The following SCAI variants were observed in gnomAD, a reference collection of about 807,000 sequenced individuals.
The protein encoded by SCAI is suppressor of cancer cell invasion.
In SCAI, 24 loss-of-function variants were observed where a neutral mutation model predicts 92.2. The observed-to-expected ratio is 0.26, with a 90% CI of 0.19 to 0.37. The LOEUF is 0.37. Ranked by LOEUF, SCAI falls within the 10% of genes least tolerant of loss-of-function variation. SCAI has a pLI of 1.00. For missense variants in SCAI, 450 were observed against 736.2 expected (o/e 0.61, Z 4.50); for synonymous variants, 261 against 258.6 (o/e 1.01, Z -0.09).
chr9:125,019,154 G>C lies in SCAI; in HGVS notation c.661C>G (p.Gln221Glu). 6.2e-7 allele frequency: 1 copy of C among 1,603,688 alleles called. No individual in the cohort carries two copies. The highest frequency in any genetic ancestry group is 8.5e-7 in the Non-Finnish European group (1 of 1,176,100). ...DYTHRFNTED[Q>E]VEWNLVLQEV... Reference sequence around the variant, plus strand: ...TGAAGCACCAAGTTCCATTCCACTTGATCTTCAGTATTAAATCGGTGAGTA... The same window carrying C: ...TGAAGCACCAAGTTCCATTCCACTTCATCTTCAGTATTAAATCGGTGAGTA... The change falls in exon 8 of 18, where the codon CAA becomes GAA. Residue 221 changes from glutamine to glutamate, a missense_variant. This residue lies in a region of SCAI where 360 missense variants were observed against 601.8 expected (regional missense o/e 0.60). Coordinates refer to ENST00000336505, the MANE Select transcript of SCAI (RefSeq NM_001144877.3).
chr9:125,024,643 C>T (rs1832934116), intron 6 of SCAI, among the ~76,000 whole-genome samples: 1 of 152,098 alleles, frequency 6.6e-6, no homozygotes, highest in Non-Finnish European at 1.5e-5. Context: ...GCTAGGCTCC[C>T]TACTTACAAG....
chr9:125,069,290 C>CTT (rs753394931), intron 2 of SCAI, among the ~76,000 whole-genome samples: 1 of 151,488 alleles, frequency 6.6e-6, no homozygotes, highest in Non-Finnish European at 1.5e-5. Context: ...AAATCACATG[C>CTT]TAAGAAAGGG....
At chr9:125,012,887 A>G (rs1241690546) in intron 9 of SCAI, among the ~76,000 whole-genome samples, 3 of 151,810 alleles carry the variant, frequency 2.0e-5, no homozygotes, top group Admixed American at 1.3e-4. Flanking sequence ...ACTCAAAACC[A>G]CTCAACTACA....
intron 10 of SCAI, 97 bp downstream of exon 10, chr9:125,003,372 T>C (rs888045634): frequency 1.7e-5 from 18 of 1,028,798 alleles, no homozygotes; most frequent in Non-Finnish European, 2.7e-5. Context: ...GTGAATTCTT[T>C]ATTCAAGGCT....
chr9:124,957,585 T>G (rs187389254), intron 17 of SCAI, among the ~76,000 whole-genome samples: 1,686 of 148,974 alleles, frequency 0.011, 83 homozygotes, highest in Admixed American at 0.084. Context: ...TTGGCCAGGC[T>G]GGTCTCCAAC....
At chr9:125,067,367 G>A (rs1833894499) in intron 2 of SCAI, among the ~76,000 whole-genome samples, 1 of 152,134 alleles carries the variant, frequency 6.6e-6, no homozygotes, top group Admixed American at 6.5e-5. Flanking sequence ...AACACAATGT[G>A]ACTGCTGTCC....
intron 2 of SCAI, among the ~76,000 whole-genome samples, chr9:125,126,004 G>A (rs1028934932): frequency 2.6e-5 from 4 of 151,106 alleles, no homozygotes; most frequent in African/African-American, 9.8e-5. Flanking sequence ...ATCTTAGCTG[G>A]ACATTGAGCC....
intron 2 of SCAI, among the ~76,000 whole-genome samples, chr9:125,104,442 C>CT (rs1834735314): frequency 6.6e-6 from 1 of 152,150 alleles, no homozygotes; most frequent in African/African-American, 2.4e-5. Flanking sequence ...TAACTCTAGC[C>CT]TTTAACTCTA....
In SCAI at chr9:124,943,565, T is replaced by A. The variant is rs191921762; in HGVS notation, c.*9242A>T. On this transcript the variant is annotated 3_prime_UTR_variant, in exon 18 of 18. Coordinates refer to ENST00000336505, the MANE Select transcript of SCAI (RefSeq NM_001144877.3). ...CTATAGTGTTAAAATTCTATAACAT[T>A]TCAGTTACAGACAAGCACAATTGTT... 36 of 152,294 alleles carry A rather than the reference T, an allele frequency of 2.4e-4. No homozygotes were observed. The highest frequency in any genetic ancestry group is 1.7e-3 in the Admixed American group (26 of 15,298). 9.4% of individuals were successfully genotyped at this position (152,294 alleles called of 1,614,324 possible).
chr9:125,138,296 C>T (rs1835585219), intron 2 of SCAI, among the ~76,000 whole-genome samples: 3 of 141,060 alleles, frequency 2.1e-5, no homozygotes. Context: ...GCTCTTGTTG[C>T]CCAGGATGGA....
intron 2 of SCAI, among the ~76,000 whole-genome samples, chr9:125,110,105 A>G (rs376426266): frequency 1.1e-4 from 17 of 152,196 alleles, no homozygotes; most frequent in African/African-American, 4.1e-4. Flanking sequence ...GAGAGGATAA[A>G]AGAGTTTACA....
chr9:125,041,061 CAG>C (rs963234083), intron 3 of SCAI, among the ~76,000 whole-genome samples: 61 of 152,136 alleles, frequency 4.0e-4, no homozygotes, highest in African/African-American at 1.5e-3. Flanking sequence ...ATTTTTGTAC[CAG>C]ATGTTAAGTT....
chr9:124,972,747 C>T (rs1218666464), intron 15 of SCAI, among the ~76,000 whole-genome samples: 1 of 152,176 alleles, frequency 6.6e-6, no homozygotes, highest in East Asian at 1.9e-4. Flanking sequence ...CAGCCAGAAA[C>T]CTGGAAGTCT....
intron 9 of SCAI, among the ~76,000 whole-genome samples, chr9:125,014,377 T>C (rs1330785721): frequency 1.3e-5 from 2 of 152,198 alleles, no homozygotes; most frequent in Admixed American, 6.5e-5. Flanking sequence ...AGCATTCTTA[T>C]ACACCAATAA....
At chr9:125,013,837 A>G (rs1484092958) in intron 9 of SCAI, among the ~76,000 whole-genome samples, 1 of 152,228 alleles carries the variant, frequency 6.6e-6, no homozygotes, top group Non-Finnish European at 1.5e-5. Flanking sequence ...CACCATGATC[A>G]AGTGGGCTTC....
chr9:125,105,671 T>C (rs1178706986), intron 2 of SCAI, among the ~76,000 whole-genome samples: 1 of 152,252 alleles, frequency 6.6e-6, no homozygotes, highest in Non-Finnish European at 1.5e-5. Context: ...TGCTTATACA[T>C]ATTGTCTGTA....
intron 2 of SCAI, among the ~76,000 whole-genome samples, chr9:125,058,331 T>C (rs1426116758): frequency 1.3e-5 from 2 of 151,858 alleles, no homozygotes; most frequent in Admixed American, 6.6e-5. Flanking sequence ...CTGGGCAACA[T>C]GGTGAAACCC....
At chr9:124,994,462 G>T (rs1279731789) in intron 14 of SCAI, among the ~76,000 whole-genome samples, 1 of 152,004 alleles carries the variant, frequency 6.6e-6, no homozygotes, top group Non-Finnish European at 1.5e-5. Context: ...TTTTGTGATT[G>T]TCACAAATTT....
At chr9:125,136,348 C>T (rs563629428) in intron 2 of SCAI, among the ~76,000 whole-genome samples, 1 of 151,760 alleles carries the variant, frequency 6.6e-6, no homozygotes, top group African/African-American at 2.4e-5. Flanking sequence ...TGGGCTCACA[C>T]CATTCATCTG....
Sources: gnomAD v4.1 joint callset for allele counts (sites outside exome capture counted in the v4.1 genomes callset) on GRCh38, gnomAD v4.1.1 for gene constraint, gnomAD v4.1.1 regional missense constraint, MANE v1.5 for transcripts, NCBI Gene and HGNC (gene_info 2026-07-23, HGNC 2026-07-21) for gene names.